Variants in ARHGEF10L observed in about 807,000 individuals in gnomAD.
The protein encoded by ARHGEF10L is Rho guanine nucleotide exchange factor 10 like.
ARHGEF10L carries 69 observed loss-of-function variants against 141.2 expected under a neutral mutation model. That is an observed-to-expected ratio of 0.49 (90% CI 0.40 to 0.60). The LOEUF is 0.60. Ranked by LOEUF, ARHGEF10L falls within the 20% of genes least tolerant of loss-of-function variation. The pLI, the probability that ARHGEF10L is intolerant of heterozygous loss-of-function variation, is 0.00. For synonymous variants in ARHGEF10L, 711 were observed against 718.5 expected (o/e 0.99, Z 0.17); for missense variants, 1,482 against 1,734.3 (o/e 0.85, Z 2.58).
chr1:17,541,399 G>T (rs1428929486), intron 1 of ARHGEF10L, among the ~76,000 whole-genome samples: 1 of 151,968 alleles, frequency 6.6e-6, no homozygotes, highest in East Asian at 1.9e-4. Context: ...GTGCATAGTG[G>T]GTGCTCTACA....
the ARHGEF10L span, among the ~76,000 whole-genome samples, chr1:17,526,808 G>T: frequency 6.6e-6 from 1 of 151,936 alleles, no homozygotes; most frequent in African/African-American, 2.4e-5. Flanking sequence ...AGAGGCTGAA[G>T]CATGAGAATC....
rs1228187910 is a variant in ARHGEF10L, at chr1:17,640,111, G to A, written c.2172-91G>A. On this transcript the variant is annotated intron_variant, in intron 20 of 28. Transcript: ENST00000361221. ...ACCAGACCTCCTTGATCTCCAGGGC[G>A]CGTGGGTTGGAGGAAGTACTACGTG... 32 of 1,512,966 alleles carry A rather than the reference G, an allele frequency of 2.1e-5. 1 individual carries two copies. Among genetic ancestry groups the A allele is most frequent in the Middle Eastern group, 2.0e-4 (1 of 4,988 alleles). 93.7% of individuals were successfully genotyped at this position (1,512,966 alleles called of 1,614,324 possible). A position where few individuals can be genotyped will look rare whatever the true frequency, so the allele number is the denominator to read the frequency against.
intron 1 of ARHGEF10L, among the ~76,000 whole-genome samples, chr1:17,549,931 G>A (rs952722944): frequency 2.6e-5 from 4 of 152,192 alleles, no homozygotes; most frequent in African/African-American, 9.7e-5. Flanking sequence ...AATAACCCAT[G>A]GTCCAGCAAA....
chr1:17,532,049 C>T, the ARHGEF10L span, among the ~76,000 whole-genome samples: 1 of 152,060 alleles, frequency 6.6e-6, no homozygotes, highest in Non-Finnish European at 1.5e-5. Flanking sequence ...TTCTCTAGGC[C>T]CAGGCCCAGG....
the ARHGEF10L span, among the ~76,000 whole-genome samples, chr1:17,521,813 G>C: frequency 6.6e-6 from 1 of 152,148 alleles, no homozygotes. Flanking sequence ...TTCCTAGGGA[G>C]GGGGTCCTGC....
chr1:17,583,740 A>C (rs1346807656), intron 2 of ARHGEF10L, among the ~76,000 whole-genome samples: 1 of 152,196 alleles, frequency 6.6e-6, no homozygotes, highest in Non-Finnish European at 1.5e-5. Flanking sequence ...TCACTTAGGC[A>C]AGGACCAGTG....
intron 25 of ARHGEF10L, among the ~76,000 whole-genome samples, chr1:17,658,066 C>T (rs2062386611): frequency 6.6e-6 from 1 of 152,222 alleles, no homozygotes; most frequent in Non-Finnish European, 1.5e-5. Context: ...GGCCTTACTC[C>T]CAGCTGCTTC....
chr1:17,634,583 C>CGGGGCTCT (rs748233176), intron 17 of ARHGEF10L, 21 bp downstream of exon 17: 210 of 1,613,128 alleles, frequency 1.3e-4, no homozygotes, highest in African/African-American at 7.1e-4. Flanking sequence ...CAGGGGGCTC[C>CGGGGCTCT]GGGGCTCTGG....
At chr1:17,571,953 A>T (rs563957725) in intron 1 of ARHGEF10L, among the ~76,000 whole-genome samples, 1 of 151,500 alleles carries the variant, frequency 6.6e-6, no homozygotes, top group Non-Finnish European at 1.5e-5. Flanking sequence ...TTCCCTCCTT[A>T]CCCCATCTCA....
chr1:17,637,756 G>A (rs537842326), intron 18 of ARHGEF10L, 132 bp from the exon 19 acceptor site: 218 of 675,040 alleles, frequency 3.2e-4, no homozygotes, highest in Non-Finnish European at 4.7e-4. Flanking sequence ...TGCCTGCCTC[G>A]GCCTCCCAAA....
intron 27 of ARHGEF10L, among the ~76,000 whole-genome samples, chr1:17,692,959 A>T (rs10788680): frequency 6.6e-6 from 1 of 152,142 alleles, no homozygotes; most frequent in East Asian, 1.9e-4. Flanking sequence ...CTTGTCACCC[A>T]GCAGCCTCAC....
At chr1:17,559,284 A>T (rs1443914759) in intron 1 of ARHGEF10L, among the ~76,000 whole-genome samples, 2 of 152,186 alleles carry the variant, frequency 1.3e-5, no homozygotes, top group East Asian at 3.9e-4. Flanking sequence ...ATCCTGGTAC[A>T]TGGTAAGTAT....
chr1:17,660,584 C>T (rs970765918), intron 25 of ARHGEF10L, among the ~76,000 whole-genome samples: 1 of 152,212 alleles, frequency 6.6e-6, no homozygotes, highest in Non-Finnish European at 1.5e-5. Flanking sequence ...GCCGTGATGA[C>T]TTTCACTCTG....
chr1:17,697,502 G>GT lies in ARHGEF10L; in HGVS notation c.*122_*123insT, dbSNP rs2065595493. 1.7e-5 allele frequency: 22 copies of GT among 1,319,486 alleles called. No homozygotes were observed. Among genetic ancestry groups the GT allele is most frequent in the Non-Finnish European group, 2.3e-5 (22 of 974,484 alleles). The allele number at this position is 1,319,486 out of a possible 1,614,324, so 81.7% of individuals were successfully genotyped here. A position where few individuals can be genotyped will look rare whatever the true frequency, so the allele number is the denominator to read the frequency against. On this transcript the variant is annotated 3_prime_UTR_variant, in exon 29 of 29. Transcript: ENST00000361221. The surrounding 1 kb of genome is among the most constrained non-coding windows in gnomAD (Gnocchi z 4.8). ...CCTGGACTCTCCAGAAACTACTTGG[G>GT]CAGAGCAAAGGAAAACCTCTTGTTT...
chr1:17,632,480 G>A lies in ARHGEF10L; in HGVS notation c.1730+14G>A. ...CATCAACTTCAAGTAAGTGGGCCTGGGTTGGAGGGGGCAATCACCCCTCCC... is the reference window on the plus strand; with the variant it reads ...CATCAACTTCAAGTAAGTGGGCCTGAGTTGGAGGGGGCAATCACCCCTCCC... On this transcript the variant is annotated intron_variant, in intron 16 of 28. Transcript: ENST00000361221. 1 of 1,613,948 alleles carries A rather than the reference G, an allele frequency of 6.2e-7. No homozygotes were observed. Among genetic ancestry groups the A allele is most frequent in the East Asian group, 2.2e-5 (1 of 44,870 alleles).
intron 1 of ARHGEF10L, among the ~76,000 whole-genome samples, chr1:17,574,809 GCCCT>G (rs2078154488): frequency 6.6e-6 from 1 of 152,200 alleles, no homozygotes; most frequent in African/African-American, 2.4e-5. Flanking sequence ...GGAGCCGTGG[GCCCT>G]CTTCTCTGTC....
chr1:17,537,917 C>A (rs1343784098), upstream of ARHGEF10L, among the ~76,000 whole-genome samples: 1 of 149,318 alleles, frequency 6.7e-6, no homozygotes, highest in Non-Finnish European at 1.5e-5. Flanking sequence ...GGCTACCTGG[C>A]AATATAGGCA....
chr1:17,657,511 C>T (rs1032991563), intron 25 of ARHGEF10L, among the ~76,000 whole-genome samples: 6 of 152,116 alleles, frequency 3.9e-5, no homozygotes, highest in Non-Finnish European at 8.8e-5. Context: ...CTGAAGGGCC[C>T]GCAGCGTCTC....
chr1:17,580,739 C>G, intron 2 of ARHGEF10L, 107 bp downstream of exon 2: 1 of 1,360,310 alleles, frequency 7.4e-7, no homozygotes, highest in Non-Finnish European at 1.0e-6. Flanking sequence ...GGTGGGAAGT[C>G]TGCTCTGCTG....
Sources: gnomAD v4.1 joint callset for allele counts (sites outside exome capture counted in the v4.1 genomes callset) on GRCh38, gnomAD v4.1.1 for gene constraint, Gnocchi (gnomAD v3.1) non-coding constraint, MANE v1.5 for transcripts, NCBI Gene and HGNC (gene_info 2026-07-23, HGNC 2026-07-21) for gene names.